Variants in DLG2 observed in about 807,000 individuals in gnomAD.
The protein encoded by DLG2 is discs large MAGUK scaffold protein 2, also known as disks large homolog 2.
DLG2 carries 45 observed loss-of-function variants against 132.5 expected under a neutral mutation model. The ratio of observed to expected loss-of-function variants is 0.34; its 90% confidence interval spans 0.27 to 0.44. The LOEUF is 0.44. Ranked by LOEUF, DLG2 falls within the 20% of genes least tolerant of loss-of-function variation. The pLI, the probability that DLG2 is intolerant of heterozygous loss-of-function variation, is 1.00. For missense variants in DLG2, 1,045 were observed against 1,196.9 expected (o/e 0.87, Z 1.87); for synonymous variants, 424 against 419.6 (o/e 1.01, Z -0.13).
chr11:83,729,928 G>GATCAGAAACCAAGTCACTTGT (rs1191917858), intron 18 of DLG2, among the ~76,000 whole-genome samples: 1 of 152,106 alleles, frequency 6.6e-6, no homozygotes, highest in South Asian at 2.1e-4. Flanking sequence ...AATAACGTCA[G>GATCAGAAACCAAGTCACTTGT]ATCAGAAACC....
intron 18 of DLG2, among the ~76,000 whole-genome samples, chr11:83,634,498 T>C (rs1182521046): frequency 6.6e-6 from 1 of 152,138 alleles, no homozygotes; most frequent in Non-Finnish European, 1.5e-5. Context: ...AAAATGTTAA[T>C]TGGAATTATA....
chr11:84,930,564 C>T (rs919508592), intron 6 of DLG2, among the ~76,000 whole-genome samples: 2 of 152,120 alleles, frequency 1.3e-5, no homozygotes, highest in African/African-American at 4.8e-5. Context: ...ATCCTCATTC[C>T]ACTTAGTAGA....
At chr11:85,052,827 T>C (rs2063029065) in intron 6 of DLG2, among the ~76,000 whole-genome samples, 1 of 152,192 alleles carries the variant, frequency 6.6e-6, no homozygotes, top group Non-Finnish European at 1.5e-5. Flanking sequence ...TTTTGTTGCC[T>C]GTGAACTGGC....
At chr11:85,203,453 T>C (rs1178427087) in intron 4 of DLG2, among the ~76,000 whole-genome samples, 1 of 151,922 alleles carries the variant, frequency 6.6e-6, no homozygotes. Context: ...AAGAAATTAG[T>C]GAATAAATTT....
chr11:83,585,499 A>T (rs2097068603), intron 19 of DLG2, among the ~76,000 whole-genome samples: 1 of 152,230 alleles, frequency 6.6e-6, no homozygotes, highest in Non-Finnish European at 1.5e-5. Flanking sequence ...TCATCCTATG[A>T]TGTAGTACAA....
intron 16 of DLG2, among the ~76,000 whole-genome samples, chr11:83,835,788 T>C (rs1765263006): frequency 6.6e-6 from 1 of 152,162 alleles, no homozygotes; most frequent in Admixed American, 6.5e-5. Context: ...TTATTGCAAA[T>C]TTCTGTGGAA....
intron 8 of DLG2, among the ~76,000 whole-genome samples, chr11:84,171,676 A>G (rs1302281532): frequency 1.3e-5 from 2 of 152,196 alleles, no homozygotes; most frequent in Non-Finnish European, 2.9e-5. Flanking sequence ...TAGAGCTGCA[A>G]TAAATATATG....
chr11:84,138,161 T>C (rs1407902060), intron 9 of DLG2, among the ~76,000 whole-genome samples: 4 of 152,208 alleles, frequency 2.6e-5, no homozygotes, highest in African/African-American at 9.6e-5. Context: ...ACTAGTTACT[T>C]AATCACTCAA....
chr11:84,773,431 C>T (rs2069777259), intron 6 of DLG2, among the ~76,000 whole-genome samples: 1 of 152,144 alleles, frequency 6.6e-6, no homozygotes, highest in Admixed American at 6.6e-5. Flanking sequence ...ATGAGGCCAG[C>T]ATCATCCTGC....
chr11:85,267,658 AAAC>A (rs1441565162), intron 4 of DLG2, among the ~76,000 whole-genome samples: 1 of 152,224 alleles, frequency 6.6e-6, no homozygotes, highest in Non-Finnish European at 1.5e-5. Context: ...AAAAAAAAGA[AAAC>A]AAGTTTTCCA....
chr11:84,668,044 C>T (rs1346394956), intron 6 of DLG2, among the ~76,000 whole-genome samples: 2 of 152,144 alleles, frequency 1.3e-5, no homozygotes, highest in Admixed American at 6.5e-5. Context: ...CTCTGTGACA[C>T]ACCTGCTATA....
chr11:83,710,212 G>GA (rs2085077877), intron 18 of DLG2, among the ~76,000 whole-genome samples: 1 of 151,634 alleles, frequency 6.6e-6, no homozygotes, highest in African/African-American at 2.4e-5. Context: ...GCCCAGTCTG[G>GA]AGTGCAGTGG....
chr11:84,949,313 C>T (rs1004923814), intron 6 of DLG2, among the ~76,000 whole-genome samples: 3 of 151,924 alleles, frequency 2.0e-5, no homozygotes, highest in South Asian at 2.1e-4. Flanking sequence ...GGAGGCAGGG[C>T]GAGATCACAG....
At chr11:84,811,042 T>C (rs2076501485) in intron 6 of DLG2, among the ~76,000 whole-genome samples, 2 of 152,126 alleles carry the variant, frequency 1.3e-5, no homozygotes, top group Admixed American at 6.5e-5. Flanking sequence ...TATTGTGCTG[T>C]AGACATTACC....
At position 84,001,038 on chromosome 11, in the gene DLG2, A is replaced by G. The variant is rs530998436; in HGVS notation, c.920-20396T>C. Among the ~76,000 whole-genome samples, 22 of 152,240 alleles carry G rather than the reference A, an allele frequency of 1.4e-4. No individual in the cohort carries two copies. The South Asian group carries it at 4.3e-3, about 30-fold the overall frequency. ...AAAGAAAAATAAAGGAACAAAGAAC[A>G]TACAGAACAACCAAAACACAATTAA... On this transcript the variant is annotated intron_variant, in intron 11 of 27. Transcript: ENST00000376104.
At chr11:85,571,706 G>C (rs61342895) in intron 3 of DLG2, among the ~76,000 whole-genome samples, 56,467 of 151,996 alleles carry the variant, frequency 0.37, 11,177 homozygotes, top group African/African-American at 0.45. Flanking sequence ...ATCTTATTAC[G>C]CAGCTTCTTC....
In DLG2 at chr11:85,117,187, G is replaced by A. The variant is rs11822075; in HGVS notation, c.283-5452C>T. Among the ~76,000 whole-genome samples, 1,489 of 152,064 alleles carry A rather than the reference G, an allele frequency of 9.8e-3. 21 individuals carry two copies. The highest frequency in any genetic ancestry group is 0.033 in the African/African-American group (1,351 of 41,498). The stretch of plus-strand genomic sequence containing the variant: ...AGGGTGGGCTGCTGTAAAATGTGAC[G>A]CTAAGGAAATGCCTCATCCACATCA... On this transcript the variant is annotated intron_variant, in intron 5 of 27. Coordinates refer to ENST00000376104, the MANE Select transcript of DLG2 (RefSeq NM_001142699.3).
chr11:85,485,733 T>C (rs900286376), intron 3 of DLG2, among the ~76,000 whole-genome samples: 6 of 152,148 alleles, frequency 3.9e-5, no homozygotes, highest in African/African-American at 1.4e-4. Context: ...CCACAGACCT[T>C]TGGCCTGACA....
At chr11:83,869,032 C>T (rs1284306280) in intron 16 of DLG2, among the ~76,000 whole-genome samples, 1 of 152,122 alleles carries the variant, frequency 6.6e-6, no homozygotes, top group Non-Finnish European at 1.5e-5. Context: ...ATTTTGTCTC[C>T]AAAATGTTAG....
Sources: gnomAD v4.1 joint callset for allele counts (sites outside exome capture counted in the v4.1 genomes callset) on GRCh38, gnomAD v4.1.1 for gene constraint, MANE v1.5 for transcripts, NCBI Gene and HGNC (gene_info 2026-07-23, HGNC 2026-07-21) for gene names.